Variants in PPFIA1 observed in about 807,000 individuals in gnomAD.
PPFIA1 encodes the protein liprin-alpha-1.
In PPFIA1, 25 loss-of-function variants were observed where a neutral mutation model predicts 149.9. The observed-to-expected ratio is 0.17, with a 90% CI of 0.12 to 0.23. PPFIA1 has a LOEUF of 0.23. PPFIA1 is among the 10% of genes least tolerant of loss of function. PPFIA1 has a pLI of 1.00. For synonymous variants in PPFIA1, 549 were observed against 552.8 expected, an observed-to-expected ratio of 0.99 and a Z score of 0.10; for missense variants, 1,362 against 1,506.5, an observed-to-expected ratio of 0.90 and a Z score of 1.59.
chr11:70,342,936 C>CCT (rs2055426798), intron 14 of PPFIA1, among the ~76,000 whole-genome samples: 1 of 78,172 alleles, frequency 1.3e-5, no homozygotes, highest in Admixed American at 1.4e-4. Flanking sequence ...AATGTACCAC[C>CCT]TTTTTTTTTT....
chr11:70,303,624 C>A (rs1446729878), intron 2 of PPFIA1, among the ~76,000 whole-genome samples: 2 of 152,202 alleles, frequency 1.3e-5, no homozygotes, highest in African/African-American at 4.8e-5. Flanking sequence ...TCTCAAGCTC[C>A]TGGACTCTCT....
chr11:70,284,600 A>G (rs1269451286), intron 2 of PPFIA1, among the ~76,000 whole-genome samples: 1 of 152,214 alleles, frequency 6.6e-6, no homozygotes, highest in Non-Finnish European at 1.5e-5. Context: ...TTCAGAAGAA[A>G]TCCATGATCT....
chr11:70,299,461 C>G (rs1203299634), intron 2 of PPFIA1, among the ~76,000 whole-genome samples: 1 of 152,178 alleles, frequency 6.6e-6, no homozygotes, highest in Non-Finnish European at 1.5e-5. Flanking sequence ...AAAGGTAGCA[C>G]TTGCTATCCA....
intron 2 of PPFIA1, among the ~76,000 whole-genome samples, chr11:70,291,984 C>T (rs533419099): frequency 5.9e-4 from 89 of 151,874 alleles, no homozygotes; most frequent in Non-Finnish European, 8.4e-4. Flanking sequence ...ACTACAGGTG[C>T]GTGCCACCAC....
intron 17 of PPFIA1, among the ~76,000 whole-genome samples, chr11:70,355,169 C>T (rs571294046): frequency 9.9e-5 from 15 of 152,220 alleles, no homozygotes; most frequent in Non-Finnish European, 2.2e-4. Flanking sequence ...TCCCAAAATG[C>T]TGGGATTACA....
chr11:70,326,939 T>C (rs2054332608), intron 7 of PPFIA1, 121 bp downstream of exon 7: 1 of 811,534 alleles, frequency 1.2e-6, no homozygotes, highest in East Asian at 2.6e-5. Flanking sequence ...CTTTGGATTA[T>C]TGTATAAGTT....
chr11:70,378,243 G>C (rs1358030903), intron 26 of PPFIA1, 48 bp downstream of exon 26: 1 of 1,583,026 alleles, frequency 6.3e-7, no homozygotes, highest in South Asian at 1.2e-5. Flanking sequence ...AGCATGAGCA[G>C]CTTTCTGTCT....
chr11:70,319,398 C>T (rs1439799062), intron 2 of PPFIA1, among the ~76,000 whole-genome samples: 3 of 152,236 alleles, frequency 2.0e-5, no homozygotes, highest in Admixed American at 6.5e-5. Flanking sequence ...CCTTTGAAAA[C>T]GGGTGAAGGG....
intron 2 of PPFIA1, among the ~76,000 whole-genome samples, chr11:70,276,834 G>A (rs1364250259): frequency 1.3e-5 from 2 of 151,784 alleles, no homozygotes; most frequent in Non-Finnish European, 2.9e-5. Flanking sequence ...TTATCTGCAA[G>A]ATCTGTAGTG....
intron 14 of PPFIA1, 33 bp from the exon 15 acceptor site, chr11:70,343,636 T>TCG (rs780578277): frequency 1.3e-6 from 2 of 1,569,024 alleles, no homozygotes; most frequent in Non-Finnish European, 8.8e-7. Context: ...TGTTGTTACT[T>TCG]TATCTACTGA....
intron 11 of PPFIA1, among the ~76,000 whole-genome samples, chr11:70,336,044 G>A (rs1380406406): frequency 6.6e-6 from 1 of 152,150 alleles, no homozygotes; most frequent in Non-Finnish European, 1.5e-5. Flanking sequence ...CACAAAAGCA[G>A]CCATAAATAA....
rs747415050 is a variant in PPFIA1 at position 70,335,700 on chromosome 11, T to G, written c.1428+6T>G. The G allele has an allele frequency of 4.3e-6, 7 of 1,613,644 alleles. No homozygotes were observed. The South Asian group carries it at 7.7e-5, about 18-fold the overall frequency. On this transcript the variant is annotated splice_donor_region_variant and intron_variant, in intron 11 of 27. Coordinates refer to ENST00000253925, the MANE Select transcript of PPFIA1 (RefSeq NM_003626.5). ...TGGCTGCTTTGGAAGATAAGGTAAG[T>G]TAGATAACACGGACATGCTGGAGCT...
At chr11:70,382,211 T>G in intron 27 of PPFIA1, 53 bp downstream of exon 27, 2 of 1,423,314 alleles carry the variant, frequency 1.4e-6, no homozygotes, top group Non-Finnish European at 2.0e-6. Context: ...ACAGCAGGAG[T>G]CATCGGAGCT....
In PPFIA1 at chr11:70,383,355, G is replaced by T; in HGVS notation, c.*365G>T. The T allele has an allele frequency of 1.1e-5, 2 of 179,522 alleles. No homozygotes were observed. The highest frequency in any genetic ancestry group is 1.1e-4 in the South Asian group (1 of 9,014). 11.1% of individuals were successfully genotyped at this position (179,522 alleles called of 1,614,324 possible). A position where few individuals can be genotyped will look rare whatever the true frequency, so the allele number is the denominator to read the frequency against. On this transcript the variant is annotated 3_prime_UTR_variant, in exon 28 of 28. Transcript: ENST00000253925. ...GTATGTATAAATCCTATGAATAGAG[G>T]GCTTTTGTAAATTATGCATTTATTG...
At chr11:70,348,484 T>G in intron 16 of PPFIA1, 64 bp downstream of exon 16, 1 of 1,283,878 alleles carries the variant, frequency 7.8e-7, no homozygotes, top group Non-Finnish European at 1.1e-6. Flanking sequence ...TCTTGGACAC[T>G]ACAAATCTAC....
chr11:70,302,529 A>G (rs1208237185), intron 2 of PPFIA1, among the ~76,000 whole-genome samples: 11 of 152,170 alleles, frequency 7.2e-5, no homozygotes, highest in Admixed American at 7.2e-4. Flanking sequence ...TCCTTGGTTG[A>G]CAATAAACCC....
intron 13 of PPFIA1, 125 bp from the exon 14 acceptor site, chr11:70,339,046 T>C: frequency 8.7e-7 from 1 of 1,149,442 alleles, no homozygotes; most frequent in African/African-American, 1.6e-5. Flanking sequence ...ATGAGAGCAG[T>C]GCCCTCCCTG....
At chr11:70,306,187 C>A (rs571266480) in intron 2 of PPFIA1, among the ~76,000 whole-genome samples, 1 of 151,718 alleles carries the variant, frequency 6.6e-6, no homozygotes, top group African/African-American at 2.4e-5. Flanking sequence ...CAATCTTAAT[C>A]GTCAATGGAG....
intron 2 of PPFIA1, among the ~76,000 whole-genome samples, chr11:70,276,265 C>T (rs2050375844): frequency 6.7e-6 from 1 of 149,638 alleles, no homozygotes; most frequent in Non-Finnish European, 1.5e-5. Flanking sequence ...CGCCACTGCG[C>T]CTTGCTTTTT....
Sources: allele counts gnomAD v4.1 joint callset (sites outside exome capture counted in the v4.1 genomes callset), GRCh38; gene constraint gnomAD v4.1.1; transcripts MANE v1.5; gene names NCBI Gene and HGNC (gene_info 2026-07-23, HGNC 2026-07-21).